ZFYVE26: variants seen among roughly 807,000 people sequenced by gnomAD.
The protein encoded by ZFYVE26 is zinc finger FYVE-type containing 26.
ZFYVE26 carries 181 observed loss-of-function variants against 276.5 expected under a neutral mutation model. That is an observed-to-expected ratio of 0.65 (90% CI 0.58 to 0.74). The LOEUF is 0.74. ZFYVE26 is among the 30% of genes least tolerant of loss of function. ZFYVE26 has a pLI of 0.00. For synonymous variants in ZFYVE26, 1,129 were observed against 1,203.1 expected (o/e 0.94, Z 1.27); for missense variants, 2,821 against 3,097.9 (o/e 0.91, Z 2.12).
At chr14:67,766,993 T>C (rs1293264789) in intron 31 of ZFYVE26, among the ~76,000 whole-genome samples, 1 of 152,120 alleles carries the variant, frequency 6.6e-6, no homozygotes, top group East Asian at 1.9e-4. Flanking sequence ...TGGGCACCAC[T>C]GCGCCCAGCC....
At chr14:67,772,682 C>T (rs1285642595) in intron 27 of ZFYVE26, among the ~76,000 whole-genome samples, 3 of 152,206 alleles carry the variant, frequency 2.0e-5, no homozygotes, top group African/African-American at 7.2e-5. Flanking sequence ...TGCCAGTAAT[C>T]CCAGCACTTT....
rs1015135965 is a variant in ZFYVE26, at chr14:67,747,212, G to A, written c.*1224C>T. On this transcript the variant is annotated 3_prime_UTR_variant, in exon 42 of 42. Coordinates refer to ENST00000347230, the MANE Select transcript of ZFYVE26 (RefSeq NM_015346.4). ...TCTCAAACATTGTCACATCTTGCGT[G>A]GGAAGACAAGACAGTGCATATTAAA... 16 of 152,308 alleles carry A rather than the reference G, an allele frequency of 1.1e-4. No homozygotes were observed. Among genetic ancestry groups the A allele is most frequent in the African/African-American group, 3.9e-4 (16 of 41,414 alleles). The allele number at this position is 152,308 out of a possible 1,614,324, so 9.4% of individuals were successfully genotyped here.
intron 12 of ZFYVE26, chr14:67,796,225 T>C (rs2039949024): frequency 6.6e-6 from 1 of 151,476 alleles, no homozygotes; most frequent in Non-Finnish European, 1.5e-5. Context: ...AAAGGATTTT[T>C]TTTTTTTTTG....
At chr14:67,765,781 T>C (rs563677236) in intron 32 of ZFYVE26, among the ~76,000 whole-genome samples, 1 of 152,318 alleles carries the variant, frequency 6.6e-6, no homozygotes, top group Admixed American at 6.5e-5. Context: ...TTAAAATCTA[T>C]TATCCAGAAT....
At position 67,798,249 on chromosome 14, in the gene ZFYVE26, A is replaced by G. The variant is rs764693988; in HGVS notation, c.2013T>C (p.Phe671=). Residue 671 remains phenylalanine (F), a synonymous_variant, in exon 11 of 42, where the codon TTT becomes TTC. Coordinates refer to ENST00000347230, the MANE Select transcript of ZFYVE26 (RefSeq NM_015346.4). ...HRHSFLDLKH[F]TSGISGFLAD... The stretch of plus-strand genomic sequence containing the variant: ...CCAGAAATCCACTGATACCACTAGT[A>G]AAGTGTTTTAAGTCCAAAAAGCTGT... 20 of 1,614,080 alleles carry G rather than the reference A, an allele frequency of 1.2e-5. No homozygotes were observed. Among genetic ancestry groups the G allele is most frequent in the African/African-American group, 2.7e-5 (2 of 74,912 alleles).
chr14:67,765,414 G>T (rs1191999550), intron 32 of ZFYVE26, among the ~76,000 whole-genome samples: 5 of 152,134 alleles, frequency 3.3e-5, no homozygotes, highest in Non-Finnish European at 5.9e-5. Flanking sequence ...GGCCTAGAGG[G>T]GTTAACAGAG....
intron 12 of ZFYVE26, among the ~76,000 whole-genome samples, chr14:67,795,309 T>C (rs1438380411): frequency 6.6e-6 from 1 of 152,230 alleles, no homozygotes; most frequent in Non-Finnish European, 1.5e-5. Context: ...AAGCTTTCTC[T>C]CACGGCATCC....
At chr14:67,809,985 C>T (rs1174557666) in intron 3 of ZFYVE26, among the ~76,000 whole-genome samples, 1 of 151,218 alleles carries the variant, frequency 6.6e-6, no homozygotes, top group South Asian at 2.1e-4. Flanking sequence ...GGGGTTTCAC[C>T]GTGTTAGCCA....
At chr14:67,758,917 G>A (rs1288065342) in intron 35 of ZFYVE26, among the ~76,000 whole-genome samples, 2 of 152,132 alleles carry the variant, frequency 1.3e-5, no homozygotes, top group African/African-American at 2.4e-5. Flanking sequence ...TCACAGGTGT[G>A]AGCCACTGCT....
chr14:67,796,893 A>T (rs931882451), intron 12 of ZFYVE26: 1 of 152,218 alleles, frequency 6.6e-6, no homozygotes, highest in African/African-American at 2.4e-5. Flanking sequence ...CAGAGGTTGC[A>T]TTGAGCTGAG....
chr14:67,735,414 G>A, intron 13 of ZFYVE26: 2 of 647,706 alleles, frequency 3.1e-6, no homozygotes, highest in African/African-American at 3.6e-5. Flanking sequence ...CTTGCCGCAA[G>A]TTAACATCTG....
At chr14:67,803,901 C>T (rs1049746664) in intron 9 of ZFYVE26, among the ~76,000 whole-genome samples, 200 bp downstream of exon 9, 1 of 152,142 alleles carries the variant, frequency 6.6e-6, no homozygotes, top group Non-Finnish European at 1.5e-5. Flanking sequence ...CACAGGATTC[C>T]CTACACCTCA....
Position 67,779,518 on chromosome 14 carries a change from C to T in ZFYVE26, c.4674+723G>A, listed in dbSNP as rs563860009. ...CGGAGGTTGCAGTGAGCCAAGATTGCGCCATTGCACTCCAGCCTGGGTGAA... is the reference window on the plus strand; with the variant it reads ...CGGAGGTTGCAGTGAGCCAAGATTGTGCCATTGCACTCCAGCCTGGGTGAA... On this transcript the variant is annotated intron_variant, in intron 23 of 41. Transcript: ENST00000347230. 9.1e-4 allele frequency among the ~76,000 whole-genome samples: 139 copies of T among 152,116 alleles called. 1 individual carries two copies. Among genetic ancestry groups the T allele is most frequent in the African/African-American group, 3.1e-3 (129 of 41,496 alleles).
At chr14:67,788,782 T>C (rs2039729257) in intron 16 of ZFYVE26, among the ~76,000 whole-genome samples, 1 of 152,176 alleles carries the variant, frequency 6.6e-6, no homozygotes, top group Non-Finnish European at 1.5e-5. Context: ...AACAGGTTCC[T>C]TTCTCCTCCA....
chr14:67,750,335 T>A (rs2140178346), intron 41 of ZFYVE26: 1 of 154,468 alleles, frequency 6.5e-6, no homozygotes, highest in Non-Finnish European at 1.4e-5. Flanking sequence ...TGTAAGAAGC[T>A]CTTTGCCTGA....
exon 14 of ZFYVE26, chr14:67,729,724 T>G (rs760654251): frequency 1.9e-6 from 1 of 523,678 alleles, no homozygotes; most frequent in South Asian, 1.5e-5. Context: ...ACTTGATTCA[T>G]GAATTTTTAA....
intron 40 of ZFYVE26, 84 bp from the exon 41 acceptor site, chr14:67,751,180 C>T: frequency 1.3e-6 from 2 of 1,488,984 alleles, no homozygotes; most frequent in South Asian, 1.1e-5. Flanking sequence ...TCAGCCCAGC[C>T]ATTCTGACTT....
In ZFYVE26 at chr14:67,746,546, G is replaced by T. The variant is rs1001214201; in HGVS notation, c.*1890C>A. ...ACATGTTGATAGACACTTTATTGTGGCTTGTTTGTAGTAAAACATTCAACC... is the reference window on the plus strand; with the variant it reads ...ACATGTTGATAGACACTTTATTGTGTCTTGTTTGTAGTAAAACATTCAACC... On this transcript the variant is annotated 3_prime_UTR_variant, in exon 42 of 42. Coordinates refer to ENST00000347230, the MANE Select transcript of ZFYVE26 (RefSeq NM_015346.4). 2.0e-5 allele frequency: 3 copies of T among 152,182 alleles called. No individual in the cohort carries two copies. Among genetic ancestry groups the T allele is most frequent in the South Asian group, 2.1e-4 (1 of 4,826 alleles). The allele number at this position is 152,182 out of a possible 1,614,324, so 9.4% of individuals were successfully genotyped here. A position where few individuals can be genotyped will look rare whatever the true frequency, so the allele number is the denominator to read the frequency against.
At chr14:67,763,814 G>T (rs922093866) in intron 32 of ZFYVE26, among the ~76,000 whole-genome samples, 15 of 152,210 alleles carry the variant, frequency 9.9e-5, no homozygotes, top group Middle Eastern at 3.2e-3. Flanking sequence ...ATGCTCAGGG[G>T]TATTTGAGGC....
Sources: allele counts gnomAD v4.1 joint callset (sites outside exome capture counted in the v4.1 genomes callset), GRCh38; gene constraint gnomAD v4.1.1; transcripts MANE v1.5; gene names NCBI Gene and HGNC (gene_info 2026-07-23, HGNC 2026-07-21).